EIF4E: variants seen among roughly 807,000 people sequenced by gnomAD.
EIF4E encodes the protein eIF-4F 25 kDa subunit.
For missense variants in EIF4E, 113 were observed against 265.6 expected (o/e 0.43, Z 3.99); for synonymous variants, 71 against 88.5 (o/e 0.80, Z 1.11).
intron 5 of EIF4E, among the ~76,000 whole-genome samples, chr4:98,885,317 A>C (rs1176584659): frequency 1.3e-5 from 2 of 152,230 alleles, no homozygotes; most frequent in East Asian, 3.8e-4. Context: ...TGATTTTATT[A>C]ATATTCATTT....
rs1723970764 is a variant in EIF4E, at chr4:98,887,475, G to A, written c.286-283C>T. ...GAAGCAAACATATTTTAGAAGCTCT[G>A]TACATTTCTACAGCTAGAAAATACA... On this transcript the variant is annotated intron_variant, in intron 4 of 6. Transcript: ENST00000450253. The surrounding 1 kb of genome is among the most constrained non-coding windows in gnomAD (Gnocchi z 4.0). 6.6e-6 allele frequency among the ~76,000 whole-genome samples: 1 copy of A among 152,120 alleles called. No individual in the cohort carries two copies. Among genetic ancestry groups the A allele is most frequent in the South Asian group, 2.1e-4 (1 of 4,836 alleles).
intron 2 of EIF4E, among the ~76,000 whole-genome samples, chr4:98,892,732 C>G (rs1350474201): frequency 6.6e-6 from 1 of 150,686 alleles, no homozygotes; most frequent in Non-Finnish European, 1.5e-5. Flanking sequence ...TGATATTTCT[C>G]AGAGGAACAA....
chr4:98,928,643 T>TCTGCAGGGAGGGAAAGGCTG (rs1434341859), intron 1 of EIF4E, among the ~76,000 whole-genome samples: 1 of 151,954 alleles, frequency 6.6e-6, no homozygotes. Context: ...GAGCTGGGGT[T>TCTGCAGGGAGGGAAAGGCTG]CTGCAGGGAG....
chr4:98,927,005 CT>C (rs1239580837), intron 1 of EIF4E, among the ~76,000 whole-genome samples: 1 of 152,214 alleles, frequency 6.6e-6, no homozygotes, highest in Admixed American at 6.5e-5. Context: ...AGCCTTGCCC[CT>C]ATTACCAGAT....
chr4:98,883,393 ATT>A (rs11408890), intron 6 of EIF4E, among the ~76,000 whole-genome samples: 11 of 103,870 alleles, frequency 1.1e-4, no homozygotes, highest in African/African-American at 3.2e-4. Context: ...TGTAAGTCAA[ATT>A]TTTTTTTTTT....
intron 2 of EIF4E, among the ~76,000 whole-genome samples, chr4:98,901,134 CAT>C (rs1724627595): frequency 6.6e-6 from 1 of 152,074 alleles, no homozygotes; most frequent in Non-Finnish European, 1.5e-5. Context: ...CTTTTTAGCA[CAT>C]GTGCTGTAAA....
chr4:98,908,635 A>C (rs1198370736), intron 1 of EIF4E, among the ~76,000 whole-genome samples: 1 of 152,192 alleles, frequency 6.6e-6, no homozygotes, highest in African/African-American at 2.4e-5. Context: ...GATTTTGAAA[A>C]GCTCACACCT....
At chr4:98,889,528 T>A (rs997033111) in intron 3 of EIF4E, among the ~76,000 whole-genome samples, 3 of 152,176 alleles carry the variant, frequency 2.0e-5, no homozygotes, top group Admixed American at 2.0e-4. Context: ...CCTAAGACTA[T>A]GCAGTCTGGA....
chr4:98,893,386 C>G (rs1447896112), intron 2 of EIF4E, among the ~76,000 whole-genome samples: 1 of 152,252 alleles, frequency 6.6e-6, no homozygotes, highest in East Asian at 1.9e-4. Flanking sequence ...GCATGCAATG[C>G]TGTTTGTAAG....
intron 1 of EIF4E, among the ~76,000 whole-genome samples, chr4:98,928,571 C>A (rs1213088466): frequency 6.6e-6 from 1 of 151,984 alleles, no homozygotes; most frequent in African/African-American, 2.4e-5. Context: ...CAACACTCGC[C>A]CACCAGCTCC....
chr4:98,917,827 G>A (rs1725449162), intron 1 of EIF4E, among the ~76,000 whole-genome samples: 1 of 152,220 alleles, frequency 6.6e-6, no homozygotes, highest in African/African-American at 2.4e-5. Flanking sequence ...TGTAATCACA[G>A]CACTTTGGGA....
At chr4:98,909,336 T>C (rs745637298) in intron 1 of EIF4E, among the ~76,000 whole-genome samples, 2 of 152,246 alleles carry the variant, frequency 1.3e-5, no homozygotes, top group Non-Finnish European at 1.5e-5. Flanking sequence ...ACAGACTTCA[T>C]ACGTTTCTGT....
At chr4:98,897,918 T>C (rs1724476644) in intron 2 of EIF4E, among the ~76,000 whole-genome samples, 2 of 152,238 alleles carry the variant, frequency 1.3e-5, no homozygotes, top group Non-Finnish European at 2.9e-5. Flanking sequence ...CACTGAACCA[T>C]TATTTTCCAA....
chr4:98,922,952 A>C (rs1348855512), intron 1 of EIF4E, among the ~76,000 whole-genome samples: 1 of 150,840 alleles, frequency 6.6e-6, no homozygotes, highest in African/African-American at 2.4e-5. Flanking sequence ...GGTTCAAACG[A>C]TTCTTCTGCC....
chr4:98,910,707 TAA>T (rs1040795536), intron 1 of EIF4E, among the ~76,000 whole-genome samples: 5 of 151,538 alleles, frequency 3.3e-5, no homozygotes, highest in South Asian at 4.2e-4. Flanking sequence ...GATCTTCAAA[TAA>T]ACAGTTTTAA....
At chr4:98,896,516 T>C (rs1194995235) in intron 2 of EIF4E, among the ~76,000 whole-genome samples, 1 of 133,348 alleles carries the variant, frequency 7.5e-6, no homozygotes, top group African/African-American at 3.4e-5. Context: ...AAAAACACCT[T>C]AGCTAGCCAT....
At position 98,909,986 on chromosome 4, in the gene EIF4E, A is replaced by C. The variant is rs532303259; in HGVS notation, c.19-8004T>G. 4 of 471,996 alleles carry C rather than the reference A, an allele frequency of 8.5e-6. No homozygotes were observed. The Middle Eastern group carries it at 1.6e-3, about 189-fold the overall frequency. 29.2% of individuals were successfully genotyped at this position (471,996 alleles called of 1,614,324 possible). A position where few individuals can be genotyped will look rare whatever the true frequency, so the allele number is the denominator to read the frequency against. On this transcript the variant is annotated intron_variant, in intron 1 of 6. Coordinates refer to ENST00000450253, the MANE Select transcript of EIF4E (RefSeq NM_001968.5). ...TCAAATATGTAAATTAGTATAATTA[A>C]TTAACTAGTACACAAGAACAAATAT...
At chr4:98,891,452 A>C (rs1298252904) in intron 2 of EIF4E, 120 bp from the exon 3 acceptor site, 6 of 797,210 alleles carry the variant, frequency 7.5e-6, no homozygotes, top group Non-Finnish European at 1.1e-5. Flanking sequence ...TGAATGAAAA[A>C]TGTATATATA....
At chr4:98,903,734 T>C (rs1435846068) in intron 1 of EIF4E, among the ~76,000 whole-genome samples, 1 of 152,202 alleles carries the variant, frequency 6.6e-6, no homozygotes, top group Non-Finnish European at 1.5e-5. Context: ...CAGGAACTTA[T>C]TAACTTGATT....
Sources: allele counts gnomAD v4.1 joint callset (sites outside exome capture counted in the v4.1 genomes callset), GRCh38; gene constraint gnomAD v4.1.1; non-coding constraint Gnocchi (gnomAD v3.1); transcripts MANE v1.5; gene names NCBI Gene and HGNC (gene_info 2026-07-23, HGNC 2026-07-21).